The following LHFPL3 variants were observed in gnomAD, a reference collection of about 807,000 sequenced individuals.
LHFPL3 encodes the protein LHFPL tetraspan subfamily member 3.
Under a neutral mutation model 19.3 loss-of-function variants are expected in LHFPL3, and 5 were observed. The ratio of observed to expected loss-of-function variants is 0.26; its 90% CI spans 0.14 to 0.54. The LOEUF is 0.54. Among genes scored for constraint, LHFPL3 ranks in the 20% least tolerant of loss-of-function variants. LHFPL3 has a pLI of 0.94. For synonymous variants in LHFPL3, 133 were observed against 126.2 expected (o/e 1.05, Z -0.36); for missense variants, 249 against 307.4 (o/e 0.81, Z 1.42).
intron 1 of LHFPL3, among the ~76,000 whole-genome samples, chr7:104,550,770 G>C (rs1403534161): frequency 6.6e-6 from 1 of 152,106 alleles, no homozygotes; most frequent in Non-Finnish European, 1.5e-5. Context: ...AGAAAATATA[G>C]ACTAGGGGAA....
In LHFPL3 at chr7:104,736,857, C is replaced by T; in HGVS notation, c.628C>T (p.Leu210Phe). Residue 210 changes from leucine (L) to phenylalanine (F), a missense_variant, in exon 2 of 3, where the codon CTT (leucine) becomes TTT (phenylalanine). By Grantham distance (22) the Leu-to-Phe change is conservative. Coordinates refer to ENST00000424859, the MANE Select transcript of LHFPL3 (RefSeq NM_199000.3). ...GATCCTCTCATTTCTAGCATTTGTG[C>T]TTGGTAATCGACAAGACAGCTTGAT... ...ALILSFLAFV[L>F]GNRQDSLMAE... The T allele has an allele frequency of 6.2e-7, 1 of 1,612,154 alleles. No homozygotes were observed.
intron 1 of LHFPL3, among the ~76,000 whole-genome samples, chr7:104,634,129 T>C (rs987223544): frequency 2.6e-5 from 4 of 152,250 alleles, no homozygotes; most frequent in Non-Finnish European, 4.4e-5. Context: ...AGTAGACATA[T>C]AAATACCAAT....
intron 1 of LHFPL3, among the ~76,000 whole-genome samples, chr7:104,580,212 T>C (rs552719934): frequency 6.6e-6 from 1 of 152,178 alleles, no homozygotes; most frequent in Non-Finnish European, 1.5e-5. Flanking sequence ...CTCTGGAGTG[T>C]TGATGTATGT....
At chr7:104,382,403 G>T (rs143612643) in intron 1 of LHFPL3, among the ~76,000 whole-genome samples, 5 of 152,168 alleles carry the variant, frequency 3.3e-5, no homozygotes, top group Non-Finnish European at 5.9e-5. Context: ...CAAGAGAATC[G>T]CTTGAACCTG....
intron 1 of LHFPL3, among the ~76,000 whole-genome samples, chr7:104,621,766 T>G (rs1791450505): frequency 6.6e-6 from 1 of 152,150 alleles, no homozygotes; most frequent in Admixed American, 6.5e-5. Flanking sequence ...ATATGATTGT[T>G]GAACAGGAAG....
At chr7:104,436,796 C>A (rs542783705) in intron 1 of LHFPL3, among the ~76,000 whole-genome samples, 19 of 152,124 alleles carry the variant, frequency 1.2e-4, no homozygotes, top group Non-Finnish European at 2.4e-4. Flanking sequence ...CTCTTGATAT[C>A]ATTAAATTGT....
At chr7:104,558,564 A>G (rs1789911547) in intron 1 of LHFPL3, among the ~76,000 whole-genome samples, 4 of 151,356 alleles carry the variant, frequency 2.6e-5, no homozygotes, top group African/African-American at 9.8e-5. Flanking sequence ...AGTTCATTGT[A>G]GATTCTGGAT....
intron 2 of LHFPL3, chr7:104,752,790 C>T: frequency 2.5e-6 from 1 of 395,428 alleles, no homozygotes. Flanking sequence ...TGTACCTTCA[C>T]CCTAGAGAAA....
chr7:104,404,092 A>G (rs1791370702), intron 1 of LHFPL3, among the ~76,000 whole-genome samples: 1 of 152,190 alleles, frequency 6.6e-6, no homozygotes, highest in South Asian at 2.1e-4. Context: ...ACAATCCTAA[A>G]ATACTACCCA....
chr7:104,570,450 G>C (rs1188742366), intron 1 of LHFPL3, among the ~76,000 whole-genome samples: 1 of 152,146 alleles, frequency 6.6e-6, no homozygotes, highest in Non-Finnish European at 1.5e-5. Context: ...ACCATAGATA[G>C]ACCTGAATTC....
rs188786563 is a variant in LHFPL3, at chr7:104,529,733, A to G, written c.445+200509A>G. On this transcript the variant is annotated intron_variant, in intron 1 of 2. Transcript: ENST00000424859. ...TGTCAGGAACCGGGCTGGGCCTGAG[A>G]GTAGCATGGTGAGTCAGAACAGGGA... 4.0e-4 allele frequency among the ~76,000 whole-genome samples: 61 copies of G among 152,268 alleles called. 1 individual carries two copies. The East Asian group carries it at 0.012, about 29-fold the overall frequency.
chr7:104,842,484 G>A (rs576002968), intron 2 of LHFPL3, among the ~76,000 whole-genome samples: 1 of 152,146 alleles, frequency 6.6e-6, no homozygotes, highest in African/African-American at 2.4e-5. Context: ...TAATGTCATG[G>A]CTGTCTTCAC....
intron 2 of LHFPL3, among the ~76,000 whole-genome samples, chr7:104,897,652 G>A (rs1792393130): frequency 6.6e-6 from 1 of 152,116 alleles, no homozygotes; most frequent in African/African-American, 2.4e-5. Flanking sequence ...TAGAAGAAAG[G>A]GGAACATCAC....
chr7:104,849,454 G>A (rs947788655), intron 2 of LHFPL3, among the ~76,000 whole-genome samples: 6 of 152,222 alleles, frequency 3.9e-5, no homozygotes, highest in African/African-American at 1.2e-4. Flanking sequence ...GCTCCTGGGG[G>A]CTGGGTGGCC....
chr7:104,817,995 G>A (rs1790597783), intron 2 of LHFPL3, among the ~76,000 whole-genome samples: 3 of 152,120 alleles, frequency 2.0e-5, no homozygotes, highest in South Asian at 2.1e-4. Flanking sequence ...ATAGGTACAC[G>A]TGACTAGTGT....
chr7:104,479,843 A>G (rs556012313), intron 1 of LHFPL3, among the ~76,000 whole-genome samples: 25 of 152,332 alleles, frequency 1.6e-4, no homozygotes, highest in Non-Finnish European at 3.1e-4. Context: ...CTTACTGCGT[A>G]CCACACACAT....
intron 1 of LHFPL3, among the ~76,000 whole-genome samples, chr7:104,692,548 T>C (rs922405458): frequency 6.6e-6 from 1 of 152,228 alleles, no homozygotes; most frequent in Non-Finnish European, 1.5e-5. Context: ...CTCCAGGCCA[T>C]TGCTTCAGAG....
At chr7:104,774,272 T>C (rs13236549) in intron 2 of LHFPL3, among the ~76,000 whole-genome samples, 37,046 of 152,214 alleles carry the variant, frequency 0.24, 4,786 homozygotes, top group East Asian at 0.47. Context: ...ATATTCATAA[T>C]GATAGCTAAA....
intron 1 of LHFPL3, among the ~76,000 whole-genome samples, chr7:104,670,380 C>T (rs192884366): frequency 0.01 from 1,534 of 152,240 alleles, 19 homozygotes; most frequent in Middle Eastern, 0.02. Flanking sequence ...CCAATGTTTT[C>T]TGTGTCCTAG....
Sources: gnomAD v4.1 joint callset for allele counts (sites outside exome capture counted in the v4.1 genomes callset) on GRCh38, gnomAD v4.1.1 for gene constraint, MANE v1.5 for transcripts, NCBI Gene and HGNC (gene_info 2026-07-23, HGNC 2026-07-21) for gene names.